LCLAT1: variants seen among roughly 807,000 people sequenced by gnomAD.
LCLAT1 encodes the protein lysocardiolipin acyltransferase 1.
A neutral mutation model predicts 30.7 loss-of-function variants in LCLAT1; 11 were observed. The ratio of observed to expected loss-of-function variants is 0.36; its 90% CI spans 0.23 to 0.59. The LOEUF is 0.59. Among genes scored for constraint, LCLAT1 ranks in the 20% least tolerant of loss-of-function variants. The pLI, the probability that LCLAT1 is intolerant of heterozygous loss-of-function variation, is 0.77. For synonymous variants in LCLAT1, 155 were observed against 151.3 expected, an observed-to-expected ratio of 1.02 and a Z score of -0.18; for missense variants, 402 against 458.6, an observed-to-expected ratio of 0.88 and a Z score of 1.13.
chr2:30,618,190 G>A (rs1668083453), intron 5 of LCLAT1, among the ~76,000 whole-genome samples: 1 of 152,116 alleles, frequency 6.6e-6, no homozygotes, highest in African/African-American at 2.4e-5. Context: ...GTCCTGAAAT[G>A]AGCAGCTAAT....
intron 1 of LCLAT1, among the ~76,000 whole-genome samples, chr2:30,479,587 A>G (rs1006868937): frequency 6.6e-6 from 1 of 152,164 alleles, no homozygotes; most frequent in Non-Finnish European, 1.5e-5. Flanking sequence ...AAAGACAGGT[A>G]AGACTACTGA....
intron 5 of LCLAT1, among the ~76,000 whole-genome samples, chr2:30,589,460 G>T (rs1377239852): frequency 4.6e-5 from 7 of 151,248 alleles, no homozygotes; most frequent in Non-Finnish European, 8.8e-5. Context: ...ATGTCATGTT[G>T]AGGGGAAAAA....
At chr2:30,600,736 A>C (rs1262028033) in intron 5 of LCLAT1, among the ~76,000 whole-genome samples, 3 of 151,778 alleles carry the variant, frequency 2.0e-5, no homozygotes, top group African/African-American at 7.3e-5. Flanking sequence ...TTGACCTTTG[A>C]GAATCTGATG....
intron 1 of LCLAT1, among the ~76,000 whole-genome samples, chr2:30,514,293 C>T (rs554757752): frequency 1.3e-5 from 2 of 152,304 alleles, no homozygotes; most frequent in East Asian, 3.9e-4. Context: ...TTCACATTTA[C>T]AAATCTATTG....
At chr2:30,596,137 G>A (rs1224584756) in intron 5 of LCLAT1, among the ~76,000 whole-genome samples, 1 of 152,082 alleles carries the variant, frequency 6.6e-6, no homozygotes, top group Non-Finnish European at 1.5e-5. Flanking sequence ...AATGATTTAT[G>A]TTCCATTGGG....
chr2:30,509,756 G>A (rs1351896876), intron 1 of LCLAT1, among the ~76,000 whole-genome samples: 2 of 151,988 alleles, frequency 1.3e-5, no homozygotes, highest in African/African-American at 4.8e-5. Context: ...AGTAGAGTGG[G>A]GTTTTGCATG....
chr2:30,557,612 A>G (rs1401255742), intron 3 of LCLAT1, among the ~76,000 whole-genome samples: 1 of 151,690 alleles, frequency 6.6e-6, no homozygotes, highest in Non-Finnish European at 1.5e-5. Context: ...ACGGGGTTTC[A>G]TCATGTTGGC....
At chr2:30,466,028 TAG>T (rs1682404952) in intron 1 of LCLAT1, among the ~76,000 whole-genome samples, 1 of 152,100 alleles carries the variant, frequency 6.6e-6, no homozygotes, top group African/African-American at 2.4e-5. Flanking sequence ...AGTAACTCCT[TAG>T]AGTTGTCTAG....
intron 5 of LCLAT1, among the ~76,000 whole-genome samples, chr2:30,613,492 A>C (rs374453200): frequency 8.6e-5 from 13 of 152,032 alleles, no homozygotes; most frequent in East Asian, 3.9e-4. Flanking sequence ...GGTTGCCCCT[A>C]CACACCTGTG....
At chr2:30,485,106 A>G (rs1172423632) in intron 1 of LCLAT1, among the ~76,000 whole-genome samples, 1 of 152,224 alleles carries the variant, frequency 6.6e-6, no homozygotes, top group Non-Finnish European at 1.5e-5. Context: ...ATCTTTCACC[A>G]GTGAATAATT....
intron 4 of LCLAT1, among the ~76,000 whole-genome samples, chr2:30,565,251 C>T (rs760271282): frequency 2.2e-4 from 34 of 151,990 alleles, no homozygotes; most frequent in Admixed American, 5.2e-4. Flanking sequence ...GTGGAGATCC[C>T]GGGAAGTAGT....
chr2:30,511,935 C>T (rs1392807161), intron 1 of LCLAT1, among the ~76,000 whole-genome samples: 1 of 152,214 alleles, frequency 6.6e-6, no homozygotes, highest in African/African-American at 2.4e-5. Context: ...CTGATGCTTC[C>T]GCCTCCTAGG....
intron 1 of LCLAT1, among the ~76,000 whole-genome samples, chr2:30,494,020 T>C (rs561568898): frequency 2.0e-5 from 3 of 151,840 alleles, no homozygotes; most frequent in South Asian, 4.2e-4. Context: ...AATAACCAAC[T>C]AAGTAATTAA....
chr2:30,539,101 A>G (rs1450668298), intron 3 of LCLAT1, among the ~76,000 whole-genome samples: 6 of 151,928 alleles, frequency 3.9e-5, no homozygotes, highest in Non-Finnish European at 8.8e-5. Flanking sequence ...CTGGGACTAC[A>G]GGCGCACGCC....
chr2:30,526,081 C>T (rs547818015), intron 2 of LCLAT1, among the ~76,000 whole-genome samples: 14 of 152,186 alleles, frequency 9.2e-5, no homozygotes, highest in East Asian at 1.9e-4. Context: ...AAATGCTGAA[C>T]GCAGGGATGT....
chr2:30,632,175 G>A (rs1410447671), intron 5 of LCLAT1, among the ~76,000 whole-genome samples: 1 of 152,194 alleles, frequency 6.6e-6, no homozygotes, highest in African/African-American at 2.4e-5. Context: ...CTGTTCACAA[G>A]TATACCATTT....
At chr2:30,486,805 C>A (rs1312337427) in intron 1 of LCLAT1, among the ~76,000 whole-genome samples, 3 of 152,164 alleles carry the variant, frequency 2.0e-5, no homozygotes, top group Admixed American at 6.6e-5. Context: ...AGCCACAGTG[C>A]AAGCAGCCTA....
At chr2:30,520,713 T>C (rs1389361211) in intron 1 of LCLAT1, among the ~76,000 whole-genome samples, 1 of 152,220 alleles carries the variant, frequency 6.6e-6, no homozygotes, top group East Asian at 1.9e-4. Flanking sequence ...ATAGTTGAAA[T>C]AATCCAGAAA....
At chr2:30,605,138 T>G (rs1221012322) in intron 5 of LCLAT1, among the ~76,000 whole-genome samples, 2 of 152,204 alleles carry the variant, frequency 1.3e-5, no homozygotes, top group African/African-American at 4.8e-5. Context: ...ACCAAAATGT[T>G]TGTGTGTATT....
Sources: allele counts gnomAD v4.1 joint callset (sites outside exome capture counted in the v4.1 genomes callset), GRCh38; gene constraint gnomAD v4.1.1; transcripts MANE v1.5; gene names NCBI Gene and HGNC (gene_info 2026-07-23, HGNC 2026-07-21).